The following EIF5B variants were observed in gnomAD, a reference collection of about 807,000 sequenced individuals.
EIF5B encodes eIF-5B.
EIF5B carries 47 observed loss-of-function variants against 147.5 expected under a neutral mutation model. That is an observed-to-expected ratio of 0.32 (90% CI 0.25 to 0.41). The LOEUF (loss-of-function observed/expected upper bound fraction) is 0.41, where lower values mean the gene tolerates loss of function less well. Among genes scored for constraint, EIF5B ranks in the 10% least tolerant of loss-of-function variants. EIF5B has a pLI of 1.00. For synonymous variants in EIF5B, 455 were observed against 456.2 expected (o/e 1.00, Z 0.03); for missense variants, 1,064 against 1,413.2 (o/e 0.75, Z 3.96).
At chr2:99,396,671 A>G in intron 21 of EIF5B, 89 bp from the exon 22 acceptor site, 1 of 1,478,940 alleles carries the variant, frequency 6.8e-7, no homozygotes, top group Non-Finnish European at 9.0e-7. Context: ...CTTTCCTCTA[A>G]TGGGAGAAGC....
At position 99,395,643 on chromosome 2, in the gene EIF5B, G is replaced by A. The variant is rs59925952; in HGVS notation, c.3254+760G>A. Among the ~76,000 whole-genome samples, 228 of 152,296 alleles carry A rather than the reference G, an allele frequency of 1.5e-3. 3 individuals are homozygous for A. In the East Asian group the frequency reaches 0.037, roughly 25 times the overall value. On this transcript the variant is annotated intron_variant, in intron 21 of 23. Transcript: ENST00000289371. ...AGCCACTGTGCCTGGTCTGGGACAT[G>A]CTCTTATTGCAGGACAATTGACACA...
chr2:99,373,606 A>G (rs1026345151), intron 9 of EIF5B, among the ~76,000 whole-genome samples: 6 of 152,304 alleles, frequency 3.9e-5, no homozygotes, highest in Admixed American at 2.6e-4. Flanking sequence ...ACCATTTACA[A>G]ATCACAGCTA....
chr2:99,398,457 C>G (rs933249677), intron 22 of EIF5B: 1 of 241,826 alleles, frequency 4.1e-6, no homozygotes, highest in Non-Finnish European at 8.1e-6. Flanking sequence ...GCACCTGTCA[C>G]GTGAAATGGT....
intron 1 of EIF5B, among the ~76,000 whole-genome samples, chr2:99,356,603 A>G (rs542616887): frequency 1.6e-4 from 24 of 152,162 alleles, no homozygotes; most frequent in Middle Eastern, 3.4e-3. Flanking sequence ...TCCCTTTGTC[A>G]TAGACTCAAC....
intron 1 of EIF5B, among the ~76,000 whole-genome samples, chr2:99,351,888 C>T (rs953328667): frequency 4.0e-5 from 6 of 151,654 alleles, no homozygotes; most frequent in Non-Finnish European, 7.4e-5. Context: ...TTAGTAGGGA[C>T]GGGATTTCAC....
chr2:99,351,698 G>T (rs1031388708), intron 1 of EIF5B, among the ~76,000 whole-genome samples: 368 of 146,736 alleles, frequency 2.5e-3, no homozygotes, highest in Admixed American at 7.2e-3. Context: ...TTTTTTTTTT[G>T]TTTGTTTGTT....
intron 21 of EIF5B, among the ~76,000 whole-genome samples, chr2:99,395,637 G>T (rs1463686892): frequency 6.6e-6 from 1 of 152,180 alleles, no homozygotes; most frequent in Non-Finnish European, 1.5e-5. Flanking sequence ...GCCTGGTCTG[G>T]GACATGCTCT....
rs2094245796 is a variant in EIF5B at position 99,337,530 on chromosome 2, G to A, written c.-25G>A. ...TGTGAGAGACCGAATAGAGGGGCTGGGGCCACGAGCGCCATTGACAAGCAA... is the reference window on the plus strand; with the variant it reads ...TGTGAGAGACCGAATAGAGGGGCTGAGGCCACGAGCGCCATTGACAAGCAA... On this transcript the variant is annotated 5_prime_UTR_variant, in exon 1 of 24. Coordinates refer to ENST00000289371, the MANE Select transcript of EIF5B (RefSeq NM_015904.4). 3 of 1,610,496 alleles carry A rather than the reference G, an allele frequency of 1.9e-6. No individual in the cohort carries two copies. Among genetic ancestry groups the A allele is most frequent in the Admixed American group, 1.7e-5 (1 of 59,536 alleles).
intron 1 of EIF5B, chr2:99,338,180 T>A (rs2094248575): frequency 1.8e-6 from 1 of 551,078 alleles, no homozygotes; most frequent in African/African-American, 2.0e-5. Context: ...CCTGTTTTTT[T>A]TTGTCGTTTC....
chr2:99,369,534 G>A (rs967261834), intron 8 of EIF5B, 53 bp downstream of exon 8: 2 of 1,448,122 alleles, frequency 1.4e-6, no homozygotes, highest in African/African-American at 2.8e-5. Flanking sequence ...AAATAGTGTT[G>A]GTGTGTCATA....
intron 1 of EIF5B, among the ~76,000 whole-genome samples, chr2:99,338,937 T>TATATATATATATATAC (rs1491555384): frequency 3.0e-5 from 4 of 134,692 alleles, no homozygotes; most frequent in Non-Finnish European, 3.2e-5. Flanking sequence ...TATATATATA[T>TATATATATATATATAC]ACAAATATAT....
intron 1 of EIF5B, among the ~76,000 whole-genome samples, chr2:99,356,375 TGAG>T (rs1238974391): frequency 2.6e-5 from 4 of 152,146 alleles, no homozygotes; most frequent in Admixed American, 2.6e-4. Flanking sequence ...TCCACCTCCT[TGAG>T]GATGGGATTC....
At chr2:99,358,036 G>C (rs976404748) in intron 1 of EIF5B, among the ~76,000 whole-genome samples, 1 of 152,018 alleles carries the variant, frequency 6.6e-6, no homozygotes, top group African/African-American at 2.4e-5. Context: ...GACTAGTCAG[G>C]ATTCAGCCCT....
chr2:99,393,709 G>C (rs781037128), intron 18 of EIF5B, among the ~76,000 whole-genome samples: 21 of 152,222 alleles, frequency 1.4e-4, no homozygotes, highest in Non-Finnish European at 2.4e-4. Context: ...TAGGGCCAGT[G>C]AGAGAATAGG....
chr2:99,381,669 C>T (rs1168556796), intron 12 of EIF5B, among the ~76,000 whole-genome samples: 4 of 151,870 alleles, frequency 2.6e-5, no homozygotes, highest in Admixed American at 1.3e-4. Context: ...GCATTTATGA[C>T]GTTATTTGAA....
chr2:99,365,317 T>C (rs369598574), intron 6 of EIF5B, among the ~76,000 whole-genome samples: 44 of 152,244 alleles, frequency 2.9e-4, no homozygotes, highest in African/African-American at 1.0e-3. Flanking sequence ...TGGTTCAGAG[T>C]GTAAACAGCT....
Position 99,361,590 on chromosome 2 carries a change from A to G in EIF5B, c.689A>G (p.Gln230Arg). ...DASFKIKTVA[Q>R]KKAEKKERER... ...TCCTTCAAAATTAAGACAGTGGCCC[A>G]AAAGAAGGCAGAAAAGAAGGAGCGC... The change falls in exon 4 of 24, where the codon CAA becomes CGA. Residue 230 changes from glutamine to arginine, a missense_variant. Gln to Arg is a conservative substitution (Grantham distance 43). Coordinates refer to ENST00000289371, the MANE Select transcript of EIF5B (RefSeq NM_015904.4). The G allele has an allele frequency of 1.9e-6, 3 of 1,604,916 alleles. No individual in the cohort carries two copies. The highest frequency in any genetic ancestry group is 1.7e-6 in the Non-Finnish European group (2 of 1,177,970).
intron 14 of EIF5B, among the ~76,000 whole-genome samples, 172 bp downstream of exon 14, chr2:99,383,093 TA>T (rs1674726601): frequency 6.6e-6 from 1 of 151,966 alleles, no homozygotes; most frequent in Non-Finnish European, 1.5e-5. Flanking sequence ...TTTTTTTTTT[TA>T]AATACAAATT....
chr2:99,351,876 T>A (rs1673975172), intron 1 of EIF5B, among the ~76,000 whole-genome samples: 2 of 152,120 alleles, frequency 1.3e-5, no homozygotes, highest in Admixed American at 1.3e-4. Flanking sequence ...TTTTTTGTAT[T>A]TTTAGTAGGG....
Sources: gnomAD v4.1 joint callset for allele counts (sites outside exome capture counted in the v4.1 genomes callset) on GRCh38, gnomAD v4.1.1 for gene constraint, MANE v1.5 for transcripts, NCBI Gene and HGNC (gene_info 2026-07-23, HGNC 2026-07-21) for gene names.